The following COL23A1 variants were observed in gnomAD, a reference collection of about 807,000 sequenced individuals.
COL23A1 encodes collagen type XXIII alpha 1 chain.
In COL23A1, 97 loss-of-function variants were observed where a neutral mutation model predicts 99.3. That is an observed-to-expected ratio of 0.98 (90% CI 0.83 to 1.16). COL23A1 has a LOEUF of 1.16. COL23A1 is among the 50% of genes most tolerant of loss of function. COL23A1 has a pLI of 0.00. For synonymous variants in COL23A1, 320 were observed against 308.2 expected, an observed-to-expected ratio of 1.04 and a Z score of -0.40; for missense variants, 762 against 757.4, an observed-to-expected ratio of 1.01 and a Z score of -0.07.
intron 2 of COL23A1, among the ~76,000 whole-genome samples, chr5:178,495,184 C>T (rs1333382641): frequency 6.6e-6 from 1 of 152,254 alleles, no homozygotes; most frequent in Admixed American, 6.5e-5. Flanking sequence ...GCACTGCAGG[C>T]TCCCTGCACC....
intron 2 of COL23A1, among the ~76,000 whole-genome samples, chr5:178,552,971 G>A (rs1205002194): frequency 2.0e-5 from 3 of 152,078 alleles, no homozygotes; most frequent in Non-Finnish European, 4.4e-5. Flanking sequence ...GCCTCCCAAA[G>A]TGCTGGGATT....
chr5:178,444,045 T>A (rs529632101), intron 2 of COL23A1, among the ~76,000 whole-genome samples: 146 of 151,788 alleles, frequency 9.6e-4, no homozygotes, highest in African/African-American at 3.3e-3. Context: ...CTACAAAAAA[T>A]AAAAAAATTA....
At chr5:178,270,016 G>A (rs1024041857) in intron 6 of COL23A1, among the ~76,000 whole-genome samples, 6 of 152,192 alleles carry the variant, frequency 3.9e-5, no homozygotes, top group Admixed American at 1.3e-4. Context: ...GGAGGTGCTC[G>A]CATGCTTTGA....
chr5:178,461,476 C>T (rs1756120105), intron 2 of COL23A1, among the ~76,000 whole-genome samples: 1 of 152,214 alleles, frequency 6.6e-6, no homozygotes, highest in South Asian at 2.1e-4. Context: ...CCAAGGAGGG[C>T]CTATTCGGCA....
At chr5:178,354,747 G>A (rs1761529864) in intron 2 of COL23A1, among the ~76,000 whole-genome samples, 2 of 152,072 alleles carry the variant, frequency 1.3e-5, no homozygotes, top group East Asian at 1.9e-4. Context: ...CTGTGAAAAC[G>A]CGAGCCAATT....
At chr5:178,435,365 C>T (rs1347183665) in intron 2 of COL23A1, among the ~76,000 whole-genome samples, 2 of 152,108 alleles carry the variant, frequency 1.3e-5, no homozygotes, top group Non-Finnish European at 2.9e-5. Context: ...CCACTGGAGC[C>T]CCAAGTGATC....
chr5:178,300,835 A>G (rs570016521), intron 3 of COL23A1, among the ~76,000 whole-genome samples: 2 of 152,226 alleles, frequency 1.3e-5, no homozygotes, highest in Admixed American at 1.3e-4. Context: ...AAGTGCTGGG[A>G]TTACAGGCGT....
chr5:178,575,284 T>A lies in COL23A1; in HGVS notation c.295-14536A>T, dbSNP rs560952518. Reference sequence around the variant, plus strand: ...GGCAGTTAGGAAGCACCTCTTAACCTCAAAATAATACAACCCTTCCTAAGG... The same window carrying A: ...GGCAGTTAGGAAGCACCTCTTAACCACAAAATAATACAACCCTTCCTAAGG... On this transcript the variant is annotated intron_variant, in intron 1 of 28. Transcript: ENST00000390654. Among the ~76,000 whole-genome samples the A allele has an allele frequency of 3.4e-4, 52 of 151,944 alleles. 1 individual carries two copies. In the South Asian group the frequency reaches 6.8e-3, roughly 20 times the overall value.
In COL23A1 at chr5:178,551,303, C is replaced by T. The variant is rs139464049; in HGVS notation, c.361+9379G>A. ...AAGAACATCTCCAGATTCCAATGGT[C>T]AGCACAGAAACTTCAAGATCTTTAT... On this transcript the variant is annotated intron_variant, in intron 2 of 28. Transcript: ENST00000390654. 4.4e-3 allele frequency among the ~76,000 whole-genome samples: 674 copies of T among 151,798 alleles called. 4 individuals carry two copies. The highest frequency in any genetic ancestry group is 0.016 in the African/African-American group (653 of 41,406).
At chr5:178,379,601 G>A (rs897509801) in intron 2 of COL23A1, among the ~76,000 whole-genome samples, 3 of 152,178 alleles carry the variant, frequency 2.0e-5, no homozygotes, top group Non-Finnish European at 4.4e-5. Flanking sequence ...ATGAAAACAC[G>A]CTGGGTGTGG....
At chr5:178,446,048 T>C (rs558853447) in intron 2 of COL23A1, among the ~76,000 whole-genome samples, 1 of 151,998 alleles carries the variant, frequency 6.6e-6, no homozygotes, top group Non-Finnish European at 1.5e-5. Context: ...TTTAATTACG[T>C]TAATTCAAAT....
chr5:178,322,852 G>A (rs1312880101), intron 2 of COL23A1, among the ~76,000 whole-genome samples: 5 of 152,176 alleles, frequency 3.3e-5, no homozygotes, highest in African/African-American at 9.7e-5. Flanking sequence ...GCACCACAAC[G>A]CAGCATGGGA....
At position 178,590,062 on chromosome 5, in the gene COL23A1, C is replaced by T; in HGVS notation, c.136G>A (p.Gly46Ser). 1.5e-6 allele frequency: 2 copies of T among 1,343,408 alleles called. No individual in the cohort carries two copies. Among genetic ancestry groups the T allele is most frequent in the Non-Finnish European group, 1.9e-6 (2 of 1,043,114 alleles). 83.2% of individuals were successfully genotyped at this position (1,343,408 alleles called of 1,614,324 possible). Residue 46 changes from glycine (G) to serine (S), a missense_variant, in exon 1 of 29, where the codon GGC (glycine) becomes AGC (serine). By Grantham distance (56) the Gly-to-Ser change is moderately conservative. Coordinates refer to ENST00000390654, the MANE Select transcript of COL23A1 (RefSeq NM_173465.4). This position sits in a 1 kb window ranked among gnomAD's most constrained non-coding sequence, Gnocchi z 5.7. ...AGCAGCAGGCAGGCAGCCGCCGAGC[C>T]CACGGAGAGCAGCAGGCACAGCGCG... ...VSALCLLLSV[G>S]SAAACLLLGV...
intron 2 of COL23A1, among the ~76,000 whole-genome samples, chr5:178,495,380 G>C (rs555429744): frequency 6.6e-6 from 1 of 152,360 alleles, no homozygotes; most frequent in Admixed American, 6.5e-5. Context: ...ATAGAGGATG[G>C]TCTGACATAG....
At chr5:178,338,894 G>A (rs1380138522) in intron 2 of COL23A1, among the ~76,000 whole-genome samples, 2 of 152,190 alleles carry the variant, frequency 1.3e-5, no homozygotes, top group Non-Finnish European at 2.9e-5. Flanking sequence ...GACTATCACA[G>A]CTGAATGAAG....
At chr5:178,242,462 T>C (rs1448701575) in intron 25 of COL23A1, 68 bp from the exon 26 acceptor site, 1 of 1,492,304 alleles carries the variant, frequency 6.7e-7, no homozygotes, top group Non-Finnish European at 9.3e-7. Flanking sequence ...TACCGGCTCA[T>C]CTCTGTTCCT....
chr5:178,555,966 C>T (rs755954953), intron 2 of COL23A1, among the ~76,000 whole-genome samples: 3 of 151,572 alleles, frequency 2.0e-5, no homozygotes, highest in Non-Finnish European at 2.9e-5. Flanking sequence ...AGTCAATACC[C>T]TCAGGCCTGC....
rs1448506726 is a variant in COL23A1 at position 178,397,810 on chromosome 5, A to C, written c.362-90891T>G. Among the ~76,000 whole-genome samples, 6 of 152,134 alleles carry C rather than the reference A, an allele frequency of 3.9e-5. 1 individual carries two copies. The highest frequency in any genetic ancestry group is 7.3e-5 in the Non-Finnish European group (5 of 68,032). On this transcript the variant is annotated intron_variant, in intron 2 of 28. Coordinates refer to ENST00000390654, the MANE Select transcript of COL23A1 (RefSeq NM_173465.4). ...GAGACCATCCTGGCCAACATGGTGA[A>C]ACCCCGTCTCTACTAAAAATACAAA...
At chr5:178,397,973 G>A (rs751246779) in intron 2 of COL23A1, among the ~76,000 whole-genome samples, 7 of 151,614 alleles carry the variant, frequency 4.6e-5, no homozygotes, top group Non-Finnish European at 8.8e-5. Flanking sequence ...GTGACAGAGT[G>A]AGACTTCATG....
Sources: gnomAD v4.1 joint callset for allele counts (sites outside exome capture counted in the v4.1 genomes callset) on GRCh38, gnomAD v4.1.1 for gene constraint, Gnocchi (gnomAD v3.1) non-coding constraint, MANE v1.5 for transcripts, NCBI Gene and HGNC (gene_info 2026-07-23, HGNC 2026-07-21) for gene names.